Variants in KIF17 observed in about 807,000 individuals in gnomAD.
KIF17 encodes the protein kinesin family member 17.
In KIF17, 80 loss-of-function variants were observed where a neutral mutation model predicts 96.8. The ratio of observed to expected loss-of-function variants is 0.83; its 90% confidence interval spans 0.69 to 1.00. The LOEUF (loss-of-function observed/expected upper bound fraction) is 1.00. Ranked by LOEUF, KIF17 falls within the 50% of genes least tolerant of loss-of-function variation. KIF17 has a pLI of 0.00. For synonymous variants in KIF17, 567 were observed against 587.5 expected, an observed-to-expected ratio of 0.97 and a Z score of 0.51; for missense variants, 1,280 against 1,372.9, an observed-to-expected ratio of 0.93 and a Z score of 1.07.
intron 6 of KIF17, among the ~76,000 whole-genome samples, chr1:20,698,081 C>T (rs1052846195): frequency 3.9e-5 from 6 of 152,322 alleles, no homozygotes; most frequent in Admixed American, 1.3e-4. Flanking sequence ...TCCTTCAAAA[C>T]GGAGGGGAGA....
chr1:20,708,678 T>C (rs1244039910), intron 4 of KIF17, among the ~76,000 whole-genome samples: 1 of 152,120 alleles, frequency 6.6e-6, no homozygotes, highest in Non-Finnish European at 1.5e-5. Flanking sequence ...AACAAGCAAA[T>C]CACTTTACCT....
At position 20,687,370 on chromosome 1, in the gene KIF17, A is replaced by G. The variant is rs1001012098; in HGVS notation, c.1938+18T>C. 6.2e-7 allele frequency: 1 copy of G among 1,611,806 alleles called. No individual in the cohort carries two copies. Among genetic ancestry groups the G allele is most frequent in the African/African-American group, 1.3e-5 (1 of 74,988 alleles). Reference sequence around the variant, plus strand: ...GCCTGCTCAGTGTTCACATGGCACCATGCGTGACATCAGCTACCTGCACAG... The same window carrying G: ...GCCTGCTCAGTGTTCACATGGCACCGTGCGTGACATCAGCTACCTGCACAG... On this transcript the variant is annotated intron_variant, in intron 8 of 14. Coordinates refer to ENST00000400463, the MANE Select transcript of KIF17 (RefSeq NM_001122819.3). This position sits in a 1 kb window ranked among gnomAD's most constrained non-coding sequence, Gnocchi z 4.4.
At chr1:20,671,214 G>A (rs12060025) in intron 12 of KIF17, among the ~76,000 whole-genome samples, 7,604 of 152,280 alleles carry the variant, frequency 0.05, 591 homozygotes, top group African/African-American at 0.16. Context: ...CAGGGCTGTC[G>A]TAAGGATGAA....
rs72650862 is a variant in KIF17 at position 20,672,356 on chromosome 1, C to T, written c.2464-160G>A. On this transcript the variant is annotated intron_variant, in intron 11 of 14. Transcript: ENST00000400463. The surrounding 1 kb of genome is among the most constrained non-coding windows in gnomAD (Gnocchi z 4.3). ...CCCACCATCCATCCAGCCATCCTTC[C>T]CTCCATCCATCCATCCACCTCCTCT... Among the ~76,000 whole-genome samples the T allele has an allele frequency of 0.1, 15,820 of 152,102 alleles. 1,043 individuals are homozygous for T. The highest frequency in any genetic ancestry group is 0.19 in the Middle Eastern group (55 of 294).
downstream of KIF17, chr1:20,663,974 G>C: frequency 2.5e-5 from 4 of 160,962 alleles, no homozygotes; most frequent in South Asian, 1.7e-4. Flanking sequence ...GGCAGGGAGG[G>C]GCCCCAAGTG....
intron 3 of KIF17, among the ~76,000 whole-genome samples, chr1:20,710,863 G>A (rs557347822): frequency 5.3e-5 from 8 of 152,324 alleles, no homozygotes; most frequent in East Asian, 1.9e-4. Flanking sequence ...GGTCACAGCT[G>A]TTTGTTAGTG....
chr1:20,697,167 C>A (rs2054156985), intron 6 of KIF17, among the ~76,000 whole-genome samples: 1 of 152,234 alleles, frequency 6.6e-6, no homozygotes, highest in Non-Finnish European at 1.5e-5. Context: ...CACAGCCCAA[C>A]AGGGGCTTCT....
chr1:20,668,533 T>C (rs1431660783), intron 13 of KIF17, among the ~76,000 whole-genome samples: 1 of 152,220 alleles, frequency 6.6e-6, no homozygotes, highest in African/African-American at 2.4e-5. Flanking sequence ...CTTTCCCTTT[T>C]TTATGAAGCT....
intron 4 of KIF17, among the ~76,000 whole-genome samples, chr1:20,706,888 C>CAA (rs113547608): frequency 0.24 from 34,717 of 144,544 alleles, 4,867 homozygotes; most frequent in East Asian, 0.7. Flanking sequence ...AATCCTGTCT[C>CAA]AAAAAAAAAA....
At chr1:20,712,575 A>G in intron 3 of KIF17, among the ~76,000 whole-genome samples, 1 of 47,740 alleles carries the variant, frequency 2.1e-5, no homozygotes, top group Non-Finnish European at 4.8e-5. Flanking sequence ...TATATAGATA[A>G]TATTATCTAT....
At chr1:20,695,196 T>C (rs1226822631) in intron 6 of KIF17, among the ~76,000 whole-genome samples, 1 of 150,732 alleles carries the variant, frequency 6.6e-6, no homozygotes, top group Non-Finnish European at 1.5e-5. Context: ...TAATTTTTAA[T>C]TTTTTTTTTG....
rs907608583 is a variant in KIF17, at chr1:20,700,550, A to G, written c.1124-2062T>C. Reference sequence around the variant, plus strand: ...AGATTTGGGGGCCCATCGAGTTGACAGTGGGATATGTTGGGTTTGAAATGC... The same window carrying G: ...AGATTTGGGGGCCCATCGAGTTGACGGTGGGATATGTTGGGTTTGAAATGC... On this transcript the variant is annotated intron_variant, in intron 5 of 14. Transcript: ENST00000400463. The surrounding 1 kb of genome is among the most constrained non-coding windows in gnomAD (Gnocchi z 4.6). 6.6e-6 allele frequency among the ~76,000 whole-genome samples: 1 copy of G among 152,204 alleles called. No individual in the cohort carries two copies. The highest frequency in any genetic ancestry group is 6.5e-5 in the Admixed American group (1 of 15,274).
chr1:20,714,815 A>AAC (rs1208170087), intron 2 of KIF17, among the ~76,000 whole-genome samples: 3 of 151,080 alleles, frequency 2.0e-5, no homozygotes, highest in African/African-American at 7.3e-5. Context: ...AAAAAAAAAA[A>AAC]CACCTGAGGC....
At chr1:20,713,399 C>A (rs1015065064) in intron 3 of KIF17, 55 bp downstream of exon 3, 22 of 1,290,052 alleles carry the variant, frequency 1.7e-5, no homozygotes, top group Non-Finnish European at 2.2e-5. Flanking sequence ...GGAGCAGCAC[C>A]AATGCCAACC....
At chr1:20,697,229 C>A (rs2054158139) in intron 6 of KIF17, among the ~76,000 whole-genome samples, 1 of 152,206 alleles carries the variant, frequency 6.6e-6, no homozygotes, top group South Asian at 2.1e-4. Context: ...GGCAGGGGTC[C>A]AGCAGCGGAT....
intron 8 of KIF17, among the ~76,000 whole-genome samples, chr1:20,686,550 G>A (rs1557591526): frequency 6.6e-6 from 1 of 151,980 alleles, no homozygotes; most frequent in Non-Finnish European, 1.5e-5. Context: ...AAAGAGAGGA[G>A]AAAATAGGAC....
Position 20,672,146 on chromosome 1 carries a change from C to T in KIF17, c.2514G>A (p.Leu838=), listed in dbSNP as rs1375002555. The change falls in exon 12 of 15, where the codon CTG becomes CTA. Residue 838 remains leucine, a synonymous_variant. Transcript: ENST00000400463. This position sits in a 1 kb window ranked among gnomAD's most constrained non-coding sequence, Gnocchi z 4.3. ...TGGTGGCCAAGTAATCGATCTTCTC[C>T]AGCTGAAACTCGGACTGCAGATCTT... The part of the protein sequence containing the change: ...EIKDLQSEFQ[L]EKIDYLATIR... 30 of 1,614,062 alleles carry T rather than the reference C, an allele frequency of 1.9e-5. No homozygotes were observed. The highest frequency in any genetic ancestry group is 2.5e-5 in the Non-Finnish European group (29 of 1,180,044).
Position 20,715,486 on chromosome 1 carries a change from C to T in KIF17, c.378+7G>A, listed in dbSNP as rs1192116333. The T allele has an allele frequency of 6.2e-7, 1 of 1,611,662 alleles. No individual in the cohort carries two copies. ...GGCCCTGCCCCTTCCCTCTGCGAGG[C>T]CCGTACCTGGACGCTCTCGAACACG... is the stretch of plus-strand genomic sequence containing the variant. On this transcript the variant is annotated splice_region_variant and intron_variant, in intron 2 of 14. Transcript: ENST00000400463.
Position 20,670,496 on chromosome 1 carries a change from G to A in KIF17, c.2723-8C>T, listed in dbSNP as rs1439701575. 6.2e-7 allele frequency: 1 copy of A among 1,613,820 alleles called. No homozygotes were observed. The highest frequency in any genetic ancestry group is 8.5e-7 in the Non-Finnish European group (1 of 1,179,946). ...TCTGTGGCCCAGTTGAAACTGCTATGAGAAAACAAAAGCTGAAGTCACTGC... is the reference window on the plus strand; with the variant it reads ...TCTGTGGCCCAGTTGAAACTGCTATAAGAAAACAAAAGCTGAAGTCACTGC... On this transcript the variant is annotated splice_polypyrimidine_tract_variant and splice_region_variant and intron_variant, in intron 12 of 14. Coordinates refer to ENST00000400463, the MANE Select transcript of KIF17 (RefSeq NM_001122819.3).
Sources: allele counts gnomAD v4.1 joint callset (sites outside exome capture counted in the v4.1 genomes callset), GRCh38; gene constraint gnomAD v4.1.1; non-coding constraint Gnocchi (gnomAD v3.1); transcripts MANE v1.5; gene names NCBI Gene and HGNC (gene_info 2026-07-23, HGNC 2026-07-21).